The following PDE11A variants were observed in gnomAD, a reference collection of about 807,000 sequenced individuals.
The protein encoded by PDE11A is dual 3',5'-cyclic-AMP and -GMP phosphodiesterase 11A.
Under a neutral mutation model 100.5 loss-of-function variants are expected in PDE11A, and 100 were observed. That is an observed-to-expected ratio of 1.00 (90% CI 0.85 to 1.18). The LOEUF (loss-of-function observed/expected upper bound fraction) is 1.18. Among genes scored for constraint, PDE11A ranks in the 50% most tolerant of loss-of-function variants. The pLI, the probability that PDE11A is intolerant of heterozygous loss-of-function variation, is 0.00. For synonymous variants in PDE11A, 381 were observed against 420.8 expected (o/e 0.91, Z 1.16); for missense variants, 1,141 against 1,152.6 (o/e 0.99, Z 0.15).
chr2:177,894,463 TA>T (rs1459647506), intron 4 of PDE11A, among the ~76,000 whole-genome samples: 1 of 152,030 alleles, frequency 6.6e-6, no homozygotes, highest in Non-Finnish European at 1.5e-5. Flanking sequence ...AAACTAAAAA[TA>T]AAATCCTACT....
intron 2 of PDE11A, among the ~76,000 whole-genome samples, chr2:177,944,803 G>A (rs989178338): frequency 3.9e-5 from 4 of 101,776 alleles, no homozygotes; most frequent in African/African-American, 9.1e-5. Context: ...AGATGCGAGC[G>A]CTCTCCCTCT....
At chr2:177,972,414 C>T (rs2085783331) in intron 2 of PDE11A, among the ~76,000 whole-genome samples, 1 of 152,110 alleles carries the variant, frequency 6.6e-6, no homozygotes, top group African/African-American at 2.4e-5. Flanking sequence ...AGTGAAGCAT[C>T]CAGTGAAGTG....
intron 19 of PDE11A, among the ~76,000 whole-genome samples, chr2:177,660,088 TTTCTTTCTTTCTCTC>T (rs1559130721): frequency 5.3e-5 from 2 of 37,926 alleles, no homozygotes; most frequent in Non-Finnish European, 1.1e-4. Context: ...TCTTTCTTTC[TTTCTTTCTTTCTCTC>T]TCTCTCTCTT....
rs561346753 is a variant in PDE11A at position 178,050,033 on chromosome 2, G to C, written c.912+21493C>G. ...TCCCAGCACGGAGTTTGAGATCTGG[G>C]AACGGACAGACTGCCTCCTAAAGTG... On this transcript the variant is annotated intron_variant, in intron 1 of 19. Coordinates refer to ENST00000286063, the MANE Select transcript of PDE11A (RefSeq NM_016953.4). Among the ~76,000 whole-genome samples the C allele has an allele frequency of 7.0e-4, 107 of 152,298 alleles. No homozygotes were observed. In the South Asian group the frequency reaches 0.014, roughly 20 times the overall value.
At chr2:177,826,243 T>C (rs1677204415) in intron 6 of PDE11A, among the ~76,000 whole-genome samples, 1 of 152,256 alleles carries the variant, frequency 6.6e-6, no homozygotes, top group African/African-American at 2.4e-5. Context: ...TAATTAAAGA[T>C]GGTTTAGCTC....
intron 2 of PDE11A, among the ~76,000 whole-genome samples, chr2:178,081,447 TA>T (rs2087284475): frequency 6.6e-6 from 1 of 152,222 alleles, no homozygotes; most frequent in African/African-American, 2.4e-5. Flanking sequence ...ACTACAATAA[TA>T]AGGTAAAGAA....
intron 10 of PDE11A, among the ~76,000 whole-genome samples, chr2:177,734,674 C>T (rs1158538371): frequency 6.6e-6 from 1 of 152,014 alleles, no homozygotes; most frequent in African/African-American, 2.4e-5. Context: ...CTAAAGTAAG[C>T]CTCAGATTGA....
chr2:177,786,518 A>G (rs2082540012), intron 9 of PDE11A, among the ~76,000 whole-genome samples: 1 of 152,210 alleles, frequency 6.6e-6, no homozygotes, highest in African/African-American at 2.4e-5. Context: ...CTCACCAGCA[A>G]CGGAACAAAG....
At chr2:178,102,316 G>A (rs1383351908) in intron 2 of PDE11A, among the ~76,000 whole-genome samples, 1 of 151,706 alleles carries the variant, frequency 6.6e-6, no homozygotes, top group Admixed American at 6.6e-5. Context: ...TAGTAGAGAC[G>A]GGGTTTCACT....
intron 1 of PDE11A, among the ~76,000 whole-genome samples, chr2:178,070,489 A>G (rs2087111768): frequency 6.6e-6 from 1 of 152,232 alleles, no homozygotes; most frequent in South Asian, 2.1e-4. Flanking sequence ...TGGAAGAAGT[A>G]CTTACCAGAT....
chr2:177,800,635 C>G (rs1054659684), intron 9 of PDE11A, among the ~76,000 whole-genome samples: 1 of 152,134 alleles, frequency 6.6e-6, no homozygotes, highest in African/African-American at 2.4e-5. Flanking sequence ...TTCCTACATG[C>G]CTACTGTGTG....
intron 1 of PDE11A, among the ~76,000 whole-genome samples, chr2:178,020,084 A>G (rs2086387487): frequency 6.6e-6 from 1 of 152,194 alleles, no homozygotes; most frequent in African/African-American, 2.4e-5. Context: ...CCTAAATGAT[A>G]AAGACTTTAG....
intron 5 of PDE11A, among the ~76,000 whole-genome samples, chr2:177,874,884 A>G (rs2084205795): frequency 6.6e-6 from 1 of 152,218 alleles, no homozygotes. Context: ...AATAACTTGG[A>G]TTCAAAGTTC....
chr2:177,965,320 G>C (rs1316236688), intron 2 of PDE11A, among the ~76,000 whole-genome samples: 1 of 152,172 alleles, frequency 6.6e-6, no homozygotes, highest in Non-Finnish European at 1.5e-5. Flanking sequence ...CCTGTAGGTT[G>C]TCTGTTTACT....
chr2:177,678,950 T>A (rs984703112), intron 16 of PDE11A, among the ~76,000 whole-genome samples: 4 of 149,364 alleles, frequency 2.7e-5, no homozygotes, highest in Non-Finnish European at 4.4e-5. Context: ...AAAAAATACA[T>A]CCTTGGGGGA....
intron 7 of PDE11A, among the ~76,000 whole-genome samples, chr2:177,818,716 A>C (rs556882495): frequency 1.3e-5 from 2 of 152,186 alleles, no homozygotes; most frequent in African/African-American, 4.8e-5. Context: ...TACAAATCTT[A>C]ATTTATGAGT....
At chr2:178,078,370 T>C (rs13397357) in intron 2 of PDE11A, among the ~76,000 whole-genome samples, 1 of 152,144 alleles carries the variant, frequency 6.6e-6, no homozygotes, top group African/African-American at 2.4e-5. Context: ...CATTTAATTC[T>C]CCATTTAAAA....
chr2:177,673,041 G>C (rs1172899045), intron 17 of PDE11A, among the ~76,000 whole-genome samples: 1 of 152,174 alleles, frequency 6.6e-6, no homozygotes, highest in Non-Finnish European at 1.5e-5. Context: ...AGTCAGAAGA[G>C]AGAAAGAAAT....
chr2:178,040,372 A>G (rs932964549), intron 1 of PDE11A, among the ~76,000 whole-genome samples: 1 of 152,078 alleles, frequency 6.6e-6, no homozygotes, highest in Non-Finnish European at 1.5e-5. Flanking sequence ...TTACATTTTA[A>G]TCTGGTGTGA....
Sources: allele counts gnomAD v4.1 joint callset (sites outside exome capture counted in the v4.1 genomes callset), GRCh38; gene constraint gnomAD v4.1.1; transcripts MANE v1.5; gene names NCBI Gene and HGNC (gene_info 2026-07-23, HGNC 2026-07-21).